Variants in SMG1 observed in about 807,000 individuals in gnomAD.
SMG1 encodes serine/threonine-protein kinase SMG1.
Under a neutral mutation model 419.9 loss-of-function variants are expected in SMG1, and 22 were observed. The ratio of observed to expected loss-of-function variants is 0.05; its 90% confidence interval spans 0.04 to 0.07. The LOEUF is 0.07. SMG1 is among the 10% of genes least tolerant of loss of function. The probability of loss-of-function intolerance (pLI) is 1.00; values close to 1 mark genes in which losing one functional copy is unlikely to be tolerated. For missense variants in SMG1, 3,185 were observed against 4,342.0 expected (o/e 0.73, Z 7.49); for synonymous variants, 1,538 against 1,553.5 (o/e 0.99, Z 0.23).
chr16:18,862,604 C>G (rs1466215555), intron 25 of SMG1, among the ~76,000 whole-genome samples: 1 of 152,198 alleles, frequency 6.6e-6, no homozygotes, highest in Admixed American at 6.5e-5. Flanking sequence ...TCTCTTCCCT[C>G]TACCATTGCC....
At chr16:18,866,224 T>C (rs2035495615) in intron 23 of SMG1, 2 of 225,022 alleles carry the variant, frequency 8.9e-6, no homozygotes, top group Admixed American at 5.2e-5. Flanking sequence ...CACAGAATAT[T>C]ATGGTACAAG....
chr16:18,860,210 T>G (rs1395805460), intron 26 of SMG1, among the ~76,000 whole-genome samples: 2 of 152,188 alleles, frequency 1.3e-5, no homozygotes, highest in African/African-American at 4.8e-5. Flanking sequence ...AGAGTGAAAC[T>G]CTGTCTCAAC....
intron 33 of SMG1, 21 bp downstream of exon 33, chr16:18,852,046 C>T: frequency 6.3e-7 from 1 of 1,590,898 alleles, no homozygotes; most frequent in Non-Finnish European, 8.5e-7. Flanking sequence ...AATCTTGCCC[C>T]AAGCACCATG....
intron 26 of SMG1, 112 bp from the exon 27 acceptor site, chr16:18,859,815 A>C (rs958087940): frequency 1.5e-4 from 103 of 681,088 alleles, no homozygotes; most frequent in South Asian, 4.9e-4. Flanking sequence ...TTTAATATTT[A>C]AGGCAGTTAA....
Position 18,863,820 on chromosome 16 carries a change from C to T in SMG1, c.3525G>A (p.Pro1175=), listed in dbSNP as rs758969386. 17 of 1,581,348 alleles carry T rather than the reference C, an allele frequency of 1.1e-5. No individual in the cohort carries two copies. Among genetic ancestry groups the T allele is most frequent in the South Asian group, 4.4e-5 (4 of 90,050 alleles). ...GESRKTVLSK[P]TDSSPEVINY... Reference sequence around the variant, plus strand: ...TTATAACCTCAGGGGAAGAGTCAGTCGGTTTGGACAGCACAGTTTTTCTGG... The same window carrying T: ...TTATAACCTCAGGGGAAGAGTCAGTTGGTTTGGACAGCACAGTTTTTCTGG... The change falls in exon 25 of 63, where the codon CCG becomes CCA. Residue 1175 remains proline (P), a synonymous_variant. Coordinates refer to ENST00000446231, the MANE Select transcript of SMG1 (RefSeq NM_015092.5).
In SMG1 at chr16:18,834,282, T is replaced by C; in HGVS notation, c.8487A>G (p.Pro2829=). 6.2e-7 allele frequency: 1 copy of C among 1,611,366 alleles called. No individual in the cohort carries two copies. Among genetic ancestry groups the C allele is most frequent in the Non-Finnish European group, 8.5e-7 (1 of 1,178,768 alleles). ...TGGGGTTCGGGATATCTAAGTCCTG[T>C]GGCACCAGGTGGCACTGCTTCAGTA... The part of the protein sequence containing the change: ...VQLLKQCHLV[P]QDLDIPNPME... The change falls in exon 50 of 63, where the codon CCA becomes CCG. Residue 2829 remains proline, a synonymous_variant. Coordinates refer to ENST00000446231, the MANE Select transcript of SMG1 (RefSeq NM_015092.5).
At position 18,815,507 on chromosome 16, in the gene SMG1, G is replaced by C. The variant is rs201161760; in HGVS notation, c.10447C>G (p.Gln3483Glu). 6.2e-7 allele frequency: 1 copy of C among 1,613,926 alleles called. No homozygotes were observed. The highest frequency in any genetic ancestry group is 8.5e-7 in the Non-Finnish European group (1 of 1,179,874). ...LVQAMGQVRS[Q>E]EHVEMLQEIT... ...TCCTGGAGCATTTCAACGTGTTCTT[G>C]ACTTCGAACCTGACCCATAGCCTGG... The change falls in exon 59 of 63, where the codon CAA becomes GAA. Residue 3483 changes from glutamine to glutamate, a missense_variant. By Grantham distance (29) the Gln-to-Glu change is conservative (BLOSUM62 2). Coordinates refer to ENST00000446231, the MANE Select transcript of SMG1 (RefSeq NM_015092.5).
intron 1 of SMG1, among the ~76,000 whole-genome samples, chr16:18,913,675 G>A (rs184842229): frequency 4.0e-5 from 6 of 151,814 alleles, no homozygotes; most frequent in African/African-American, 1.4e-4. Context: ...AAAACCTGTA[G>A]GTTCCCAAAG....
In SMG1 at chr16:18,837,389, C is replaced by T. The variant is rs780619657; in HGVS notation, c.7468G>A (p.Gly2490Ser). ...EMLVVLPKLDGSLDEYLSLQE... is the reference protein window; with the variant it reads ...EMLVVLPKLDSSLDEYLSLQE... ...AAGCTTAGGTATTCATCTAAGCTAC[C>T]GTCCAACTTGGGAAGCACAACCAGC... Residue 2490 changes from glycine to serine, a missense_variant, in exon 46 of 63, where the codon GGT (glycine) becomes AGT (serine). By Grantham distance (56) the Gly-to-Ser change is moderately conservative. Around this residue, in one of 27 missense-constraint regions of SMG1, gnomAD observed 412 missense variants for 546.6 expected, o/e 0.75. Coordinates refer to ENST00000446231, the MANE Select transcript of SMG1 (RefSeq NM_015092.5). The T allele has an allele frequency of 8.1e-6, 13 of 1,613,786 alleles. No homozygotes were observed. The highest frequency in any genetic ancestry group is 3.3e-5 in the South Asian group (3 of 91,080).
At position 18,828,080 on chromosome 16, in the gene SMG1, T is replaced by C. The variant is rs747001416; in HGVS notation, c.9692A>G (p.Lys3231Arg). The C allele has an allele frequency of 6.2e-7, 1 of 1,613,434 alleles. No homozygotes were observed. The highest frequency in any genetic ancestry group is 8.5e-7 in the Non-Finnish European group (1 of 1,179,612). Residue 3231 changes from lysine (K) to arginine (R), a missense_variant, in exon 55 of 63, where the codon AAG becomes AGG. Physicochemically the swap from Lys to Arg is conservative, Grantham distance 26. Coordinates refer to ENST00000446231, the MANE Select transcript of SMG1 (RefSeq NM_015092.5). ...AATCTGGCTCAGGGTATGCAGCTTC[T>C]TTTTCATGCTGGTTAGGATAGCAGA... ...PRSAILTSMKKKLHTLSQIET... is the reference protein window; with the variant it reads ...PRSAILTSMKRKLHTLSQIET...
chr16:18,833,566 C>CA lies in SMG1; in HGVS notation c.8566-401dup, dbSNP rs35610810. ...GTTATAAGTGGCTTCTATTTCCCTTCAAAAAAAAAAAGTCTTATCAAGGTA... is the reference window on the plus strand; with the variant it reads ...GTTATAAGTGGCTTCTATTTCCCTTCAAAAAAAAAAAAGTCTTATCAAGGTA... On this transcript the variant is annotated intron_variant, in intron 50 of 62. Coordinates refer to ENST00000446231, the MANE Select transcript of SMG1 (RefSeq NM_015092.5). 2.0e-3 allele frequency among the ~76,000 whole-genome samples: 299 copies of CA among 145,934 alleles called. 1 individual carries two copies. The highest frequency in any genetic ancestry group is 6.5e-3 in the Admixed American group (95 of 14,608).
chr16:18,896,461 T>C (rs1423184901), intron 2 of SMG1, among the ~76,000 whole-genome samples: 6 of 152,358 alleles, frequency 3.9e-5, no homozygotes, highest in Admixed American at 1.3e-4. Flanking sequence ...TCAAATTTTG[T>C]ACCTTGTTTT....
intron 11 of SMG1, 130 bp downstream of exon 11, chr16:18,879,365 T>A (rs1459326938): frequency 9.8e-6 from 7 of 711,720 alleles, no homozygotes; most frequent in Non-Finnish European, 1.7e-5. Context: ...TCCTTCTGCT[T>A]TGGCCTCCCA....
At chr16:18,828,947 G>A (rs965624223) in intron 54 of SMG1, among the ~76,000 whole-genome samples, 1 of 151,404 alleles carries the variant, frequency 6.6e-6, no homozygotes, top group African/African-American at 2.4e-5. Flanking sequence ...GCGGTGAGCC[G>A]AGATCGCGCC....
intron 60 of SMG1, among the ~76,000 whole-genome samples, chr16:18,812,357 A>G (rs1260389989): frequency 6.6e-6 from 1 of 152,100 alleles, no homozygotes; most frequent in East Asian, 1.9e-4. Context: ...GGCATCAAAA[A>G]CCATAAATAA....
At position 18,806,335 on chromosome 16, in the gene SMG1, C is replaced by T. The variant is rs1364765276; in HGVS notation, c.*3234G>A. ...AGTGTTTCTTTGTATTACAAACCCT[C>T]ACCCTAAACCTGGGGTTTGGGCTCT... is the stretch of plus-strand genomic sequence containing the variant. On this transcript the variant is annotated 3_prime_UTR_variant, in exon 63 of 63. Coordinates refer to ENST00000446231, the MANE Select transcript of SMG1 (RefSeq NM_015092.5). 1 of 152,620 alleles carries T rather than the reference C, an allele frequency of 6.6e-6. No homozygotes were observed. The highest frequency in any genetic ancestry group is 1.9e-4 in the East Asian group (1 of 5,200). 9.5% of individuals were successfully genotyped at this position (152,620 alleles called of 1,614,324 possible). A position where few individuals can be genotyped will look rare whatever the true frequency, so the allele number is the denominator to read the frequency against.
At chr16:18,819,400 C>A (rs1242149088) in intron 56 of SMG1, 102 bp downstream of exon 56, 1 of 1,266,226 alleles carries the variant, frequency 7.9e-7, no homozygotes, top group Non-Finnish European at 1.1e-6. Context: ...TGAGCCAGAA[C>A]GTGGGCTCTC....
At chr16:18,841,188 C>T (rs1423854275) in intron 41 of SMG1, among the ~76,000 whole-genome samples, 4 of 152,022 alleles carry the variant, frequency 2.6e-5, no homozygotes, top group African/African-American at 7.2e-5. Context: ...TCACCTGAGG[C>T]CAGGAGTTCG....
chr16:18,856,020 T>C (rs1481677044), intron 29 of SMG1, among the ~76,000 whole-genome samples: 1 of 147,882 alleles, frequency 6.8e-6, no homozygotes, highest in Non-Finnish European at 1.5e-5. Context: ...AGAATCATTA[T>C]TTTCTCTGGC....
Sources: allele counts gnomAD v4.1 joint callset (sites outside exome capture counted in the v4.1 genomes callset), GRCh38; gene constraint gnomAD v4.1.1; regional missense constraint gnomAD v4.1.1; transcripts MANE v1.5; gene names NCBI Gene and HGNC (gene_info 2026-07-23, HGNC 2026-07-21).